SH3D19: variants seen among roughly 807,000 people sequenced by gnomAD.
The protein encoded by SH3D19 is SH3 domain-containing protein 19.
A neutral mutation model predicts 112.1 loss-of-function variants in SH3D19; 58 were observed. The ratio of observed to expected loss-of-function variants is 0.52; its 90% confidence interval spans 0.42 to 0.64. The LOEUF (loss-of-function observed/expected upper bound fraction) is 0.64, where lower values mean the gene tolerates loss of function less well. Ranked by LOEUF, SH3D19 falls within the 30% of genes least tolerant of loss-of-function variation. The pLI is 0.00. For synonymous variants in SH3D19, 391 were observed against 448.5 expected, an observed-to-expected ratio of 0.87 and a Z score of 1.62; for missense variants, 1,090 against 1,263.4, an observed-to-expected ratio of 0.86 and a Z score of 2.08.
At chr4:151,231,936 C>A (rs1212793656) in intron 1 of SH3D19, among the ~76,000 whole-genome samples, 1 of 152,178 alleles carries the variant, frequency 6.6e-6, no homozygotes, top group Admixed American at 6.5e-5. Context: ...GTAATCCCAG[C>A]ACTTTGGGAG....
chr4:151,205,030 G>A (rs1202833587), intron 2 of SH3D19, among the ~76,000 whole-genome samples: 9 of 151,844 alleles, frequency 5.9e-5, no homozygotes, highest in South Asian at 2.1e-4. Flanking sequence ...CATGTTGGCC[G>A]GGCTGGTCTC....
At chr4:151,177,409 C>T (rs1760117432) in intron 4 of SH3D19, among the ~76,000 whole-genome samples, 1 of 151,802 alleles carries the variant, frequency 6.6e-6, no homozygotes, top group Admixed American at 6.5e-5. Context: ...GTGACGCGAT[C>T]TCAATCTTGG....
At chr4:151,274,344 G>A (rs967978493) in intron 1 of SH3D19, among the ~76,000 whole-genome samples, 1 of 152,136 alleles carries the variant, frequency 6.6e-6, no homozygotes, top group Admixed American at 6.5e-5. Context: ...CATCTGCCCT[G>A]CCACAATAGC....
chr4:151,228,140 G>A (rs1769279233), intron 1 of SH3D19: 1 of 690,286 alleles, frequency 1.4e-6, no homozygotes, highest in Non-Finnish European at 1.8e-6. Flanking sequence ...TATTGAACCA[G>A]TAATTAAAAT....
intron 8 of SH3D19, among the ~76,000 whole-genome samples, chr4:151,161,807 C>T (rs1361298679): frequency 6.8e-6 from 1 of 147,938 alleles, no homozygotes; most frequent in Non-Finnish European, 1.5e-5. Context: ...CTTTGTCACC[C>T]AGGCTGGAAT....
At chr4:151,133,272 G>A (rs768009484) in intron 15 of SH3D19, 36 bp from the exon 16 acceptor site, 17 of 1,578,128 alleles carry the variant, frequency 1.1e-5, no homozygotes, top group East Asian at 6.7e-5. Flanking sequence ...TTAGACTAGA[G>A]AGTGCTTTTA....
chr4:151,195,253 T>TC (rs1421397820), intron 2 of SH3D19, among the ~76,000 whole-genome samples: 1 of 149,284 alleles, frequency 6.7e-6, no homozygotes, highest in African/African-American at 2.5e-5. Context: ...GTGCCTGTAG[T>TC]CCCAGCTACT....
intron 2 of SH3D19, among the ~76,000 whole-genome samples, chr4:151,220,148 C>T (rs766950544): frequency 8.5e-5 from 13 of 152,188 alleles, no homozygotes; most frequent in Non-Finnish European, 1.0e-4. Context: ...GGTTTGCTGA[C>T]AAAAGACTGT....
At position 151,194,004 on chromosome 4, in the gene SH3D19, AT is replaced by A. The variant is rs951249850; in HGVS notation, c.153-6542del. ...CTCTCTTTTCTAGATGTGTAGCAGT[AT>A]AGTAGGATTAATTTTTTTTTTTTTT... On this transcript the variant is annotated intron_variant, in intron 2 of 19. Transcript: ENST00000604030. Among the ~76,000 whole-genome samples, 40 of 148,376 alleles carry A rather than the reference AT, an allele frequency of 2.7e-4. 1 individual carries two copies. Among genetic ancestry groups the A allele is most frequent in the East Asian group, 1.2e-3 (6 of 5,036 alleles).
At position 151,191,973 on chromosome 4, in the gene SH3D19, T is replaced by A. The variant is rs546138818; in HGVS notation, c.153-4510A>T. 2.4e-3 allele frequency among the ~76,000 whole-genome samples: 269 copies of A among 112,262 alleles called. 2 individuals carry two copies. The highest frequency in any genetic ancestry group is 9.2e-3 in the African/African-American group (262 of 28,582). The allele number at this position is 112,262 out of a possible 152,430, so 73.6% of individuals were successfully genotyped here. A position where few individuals can be genotyped will look rare whatever the true frequency, so the allele number is the denominator to read the frequency against. On this transcript the variant is annotated intron_variant, in intron 2 of 19. Transcript: ENST00000604030. ...TTTTTTTTTTTTTTTTGATACAGAG[T>A]CTTGCTCTGTCACCAGGCTGGAGTG... is the stretch of plus-strand genomic sequence containing the variant.
At chr4:151,135,921 A>G (rs1751735994) in intron 14 of SH3D19, among the ~76,000 whole-genome samples, 1 of 152,162 alleles carries the variant, frequency 6.6e-6, no homozygotes, top group Non-Finnish European at 1.5e-5. Flanking sequence ...CTGTAATTCC[A>G]GCACTCTGGG....
chr4:151,135,751 G>A (rs1041889676), intron 14 of SH3D19, among the ~76,000 whole-genome samples: 4 of 152,016 alleles, frequency 2.6e-5, no homozygotes, highest in Non-Finnish European at 4.4e-5. Flanking sequence ...TATTTTCCAG[G>A]TTGAAAACTG....
At chr4:151,226,553 C>T in intron 1 of SH3D19, 1 of 790,836 alleles carries the variant, frequency 1.3e-6, no homozygotes, top group Non-Finnish European at 1.5e-6. Context: ...AATACAGCTT[C>T]ACCCTTAACT....
At chr4:151,311,858 G>C (rs926625785) in intron 1 of SH3D19, among the ~76,000 whole-genome samples, 2 of 152,106 alleles carry the variant, frequency 1.3e-5, no homozygotes, top group African/African-American at 2.4e-5. Flanking sequence ...AAGAACCAGA[G>C]AGCAGAAGGG....
At chr4:151,203,941 A>AT (rs893661875) in intron 2 of SH3D19, among the ~76,000 whole-genome samples, 1 of 151,976 alleles carries the variant, frequency 6.6e-6, no homozygotes, top group African/African-American at 2.4e-5. Context: ...TTGGGGGAGG[A>AT]TTTTTTTTAA....
chr4:151,169,717 T>A (rs1758716141), intron 7 of SH3D19, among the ~76,000 whole-genome samples: 1 of 152,198 alleles, frequency 6.6e-6, no homozygotes, highest in South Asian at 2.1e-4. Flanking sequence ...TAGTACTAGT[T>A]AAAATGTTTA....
chr4:151,271,625 T>C (rs927178776), intron 1 of SH3D19, among the ~76,000 whole-genome samples: 4 of 152,194 alleles, frequency 2.6e-5, no homozygotes, highest in African/African-American at 9.7e-5. Context: ...AAAATGTCAA[T>C]AGTGCCAAGG....
chr4:151,123,228 C>T (rs1402549666), intron 19 of SH3D19, among the ~76,000 whole-genome samples: 2 of 152,120 alleles, frequency 1.3e-5, no homozygotes, highest in Non-Finnish European at 2.9e-5. Context: ...TTGCCAGTGT[C>T]GCATGTCTAG....
At chr4:151,234,414 T>C (rs1480866957) in intron 1 of SH3D19, among the ~76,000 whole-genome samples, 1 of 152,176 alleles carries the variant, frequency 6.6e-6, no homozygotes, top group Admixed American at 6.5e-5. Flanking sequence ...GTAGAGACTT[T>C]AGGAAAATGA....
Sources: gnomAD v4.1 joint callset for allele counts (sites outside exome capture counted in the v4.1 genomes callset) on GRCh38, gnomAD v4.1.1 for gene constraint, MANE v1.5 for transcripts, NCBI Gene and HGNC (gene_info 2026-07-23, HGNC 2026-07-21) for gene names.